The following GPC6 variants were observed in gnomAD, a reference collection of about 807,000 sequenced individuals.
GPC6 encodes glypican 6, also known as glypican-6.
GPC6 carries 14 observed loss-of-function variants against 55.2 expected under a neutral mutation model. That is an observed-to-expected ratio of 0.25 (90% confidence interval 0.17 to 0.40). The LOEUF is 0.40. Among genes scored for constraint, GPC6 ranks in the 10% least tolerant of loss-of-function variants. GPC6 has a pLI of 1.00. For missense variants in GPC6, 641 were observed against 708.5 expected (o/e 0.90, Z 1.08); for synonymous variants, 278 against 259.6 (o/e 1.07, Z -0.68).
chr13:93,429,510 GT>G (rs932775081), intron 1 of GPC6, among the ~76,000 whole-genome samples: 6 of 152,110 alleles, frequency 3.9e-5, no homozygotes, highest in Admixed American at 1.3e-4. Flanking sequence ...AATTGCCTCT[GT>G]CTTTCCCTTT....
intron 3 of GPC6, among the ~76,000 whole-genome samples, chr13:93,872,445 T>C (rs1889158108): frequency 6.6e-6 from 1 of 151,986 alleles, no homozygotes; most frequent in African/African-American, 2.4e-5. Flanking sequence ...ACAACACAGA[T>C]TTATCCTATT....
At chr13:93,811,921 T>TA (rs1886705289) in intron 2 of GPC6, among the ~76,000 whole-genome samples, 1 of 152,056 alleles carries the variant, frequency 6.6e-6, no homozygotes, top group African/African-American at 2.4e-5. Context: ...CAGCCACACT[T>TA]ACTGTTATAA....
intron 4 of GPC6, among the ~76,000 whole-genome samples, chr13:94,132,152 G>A (rs973880801): frequency 6.6e-6 from 1 of 152,138 alleles, no homozygotes; most frequent in African/African-American, 2.4e-5. Flanking sequence ...GTTAAAGAGC[G>A]AGGTACAGAA....
chr13:94,062,578 T>A (rs1294692485), intron 4 of GPC6, among the ~76,000 whole-genome samples: 1 of 152,172 alleles, frequency 6.6e-6, no homozygotes, highest in Non-Finnish European at 1.5e-5. Flanking sequence ...ATGTCCTATT[T>A]CCTCTCCGTT....
chr13:93,377,133 C>T (rs965344775), intron 1 of GPC6, among the ~76,000 whole-genome samples: 3 of 152,234 alleles, frequency 2.0e-5, no homozygotes, highest in Non-Finnish European at 4.4e-5. Flanking sequence ...GCTACAAGTG[C>T]AGAAAGACAA....
chr13:94,288,823 A>ATG (rs1874712846), intron 5 of GPC6, among the ~76,000 whole-genome samples: 1 of 120,410 alleles, frequency 8.3e-6, no homozygotes, highest in Non-Finnish European at 1.7e-5. Flanking sequence ...TAATAAATAT[A>ATG]TATATTTGTT....
intron 1 of GPC6, among the ~76,000 whole-genome samples, chr13:93,439,579 T>C (rs1283117111): frequency 1.3e-5 from 2 of 151,888 alleles, no homozygotes; most frequent in East Asian, 3.9e-4. Context: ...TGAGAATCAC[T>C]TGAACCCGGG....
intron 3 of GPC6, among the ~76,000 whole-genome samples, chr13:93,987,667 C>T (rs1388129490): frequency 3.3e-5 from 5 of 152,130 alleles, no homozygotes; most frequent in South Asian, 4.1e-4. Flanking sequence ...ACTTTCAAAG[C>T]TATTTCTATA....
chr13:93,494,359 TG>T (rs1313609769), intron 1 of GPC6, among the ~76,000 whole-genome samples: 1 of 146,206 alleles, frequency 6.8e-6, no homozygotes, highest in African/African-American at 2.5e-5. Context: ...TGCCTTTTTT[TG>T]TTTTCCATTT....
intron 4 of GPC6, among the ~76,000 whole-genome samples, chr13:94,284,865 T>TA (rs10545616): frequency 0.029 from 4,094 of 141,366 alleles, 67 homozygotes; most frequent in Middle Eastern, 0.043. Context: ...TTGTGGATAA[T>TA]AAAAAAAAAA....
intron 3 of GPC6, among the ~76,000 whole-genome samples, chr13:93,958,232 G>C (rs915001143): frequency 1.3e-5 from 2 of 152,088 alleles, no homozygotes; most frequent in African/African-American, 2.4e-5. Context: ...GATCTTACTT[G>C]TCAATATTTG....
At chr13:93,453,122 A>G (rs1021007433) in intron 1 of GPC6, among the ~76,000 whole-genome samples, 1 of 152,002 alleles carries the variant, frequency 6.6e-6, no homozygotes, top group African/African-American at 2.4e-5. Context: ...TTTTGTGAAA[A>G]CTCTTCAGCC....
chr13:93,420,842 T>C (rs1037600732), intron 1 of GPC6, among the ~76,000 whole-genome samples: 1 of 151,826 alleles, frequency 6.6e-6, no homozygotes. Flanking sequence ...TCTCATGGAG[T>C]TTTGACTAGT....
intron 3 of GPC6, among the ~76,000 whole-genome samples, chr13:93,972,358 A>T (rs1408231148): frequency 6.6e-6 from 1 of 152,180 alleles, no homozygotes; most frequent in Non-Finnish European, 1.5e-5. Context: ...TAGATTTTTC[A>T]TTTGGGATTA....
At chr13:93,982,741 A>C (rs1880862399) in intron 3 of GPC6, among the ~76,000 whole-genome samples, 1 of 152,182 alleles carries the variant, frequency 6.6e-6, no homozygotes, top group Non-Finnish European at 1.5e-5. Flanking sequence ...TGTTAATCAG[A>C]ATCTGTAACA....
At position 94,102,377 on chromosome 13, in the gene GPC6, G is replaced by A. The variant is rs775887668; in HGVS notation, c.877+74483G>A. Among the ~76,000 whole-genome samples the A allele has an allele frequency of 1.4e-4, 22 of 152,058 alleles. 1 individual carries two copies. Among genetic ancestry groups the A allele is most frequent in the Non-Finnish European group, 2.4e-4 (16 of 68,006 alleles). On this transcript the variant is annotated intron_variant, in intron 4 of 8. Transcript: ENST00000377047. ...AATCCTCCCCTGGGTGCCTAGCCCT[G>A]TAACCTTATGTGGCTCTCCAGGGGC...
At chr13:93,959,842 A>G (rs1035091167) in intron 3 of GPC6, among the ~76,000 whole-genome samples, 1 of 152,240 alleles carries the variant, frequency 6.6e-6, no homozygotes, top group Non-Finnish European at 1.5e-5. Flanking sequence ...AAACTAAAGC[A>G]TACAAATTTT....
At chr13:93,338,972 T>G (rs922080141) in intron 1 of GPC6, among the ~76,000 whole-genome samples, 12 of 152,156 alleles carry the variant, frequency 7.9e-5, no homozygotes, top group Non-Finnish European at 1.6e-4. Flanking sequence ...TTTTAGAGCT[T>G]AAAACTTGCT....
intron 1 of GPC6, among the ~76,000 whole-genome samples, chr13:93,463,769 C>G (rs1329006472): frequency 6.7e-6 from 1 of 149,900 alleles, no homozygotes; most frequent in Non-Finnish European, 1.5e-5. Flanking sequence ...TTTTTTCATA[C>G]AAAGACAGTT....
Sources: gnomAD v4.1 joint callset for allele counts (sites outside exome capture counted in the v4.1 genomes callset) on GRCh38, gnomAD v4.1.1 for gene constraint, MANE v1.5 for transcripts, NCBI Gene and HGNC (gene_info 2026-07-23, HGNC 2026-07-21) for gene names.